CDH8: variants seen among roughly 807,000 people sequenced by gnomAD.
The protein encoded by CDH8 is cadherin 8, also known as cadherin-8.
A neutral mutation model predicts 68.1 loss-of-function variants in CDH8; 17 were observed. That is an observed-to-expected ratio of 0.25 (90% CI 0.17 to 0.37). The LOEUF (loss-of-function observed/expected upper bound fraction) is 0.37. Ranked by LOEUF, CDH8 falls within the 10% of genes least tolerant of loss-of-function variation. The probability of loss-of-function intolerance (pLI) is 1.00; values close to 1 mark genes in which losing one functional copy is unlikely to be tolerated. For synonymous variants in CDH8, 372 were observed against 365.1 expected (o/e 1.02, Z -0.21); for missense variants, 763 against 999.3 (o/e 0.76, Z 3.19).
intron 2 of CDH8, among the ~76,000 whole-genome samples, chr16:61,973,931 G>T (rs980746049): frequency 6.6e-6 from 1 of 152,162 alleles, no homozygotes; most frequent in African/African-American, 2.4e-5. Context: ...TTGTCCATCA[G>T]GTTTGCGTTG....
chr16:61,751,177 A>G (rs965573347), intron 8 of CDH8, among the ~76,000 whole-genome samples: 4 of 151,984 alleles, frequency 2.6e-5, no homozygotes, highest in Admixed American at 6.6e-5. Flanking sequence ...ATAAATACCG[A>G]TGCAATACAG....
intron 2 of CDH8, among the ~76,000 whole-genome samples, chr16:61,902,639 T>C (rs1738051996): frequency 6.6e-6 from 1 of 150,650 alleles, no homozygotes; most frequent in South Asian, 2.1e-4. Context: ...AGATGCTGTG[T>C]TCTCTTGGGA....
intron 2 of CDH8, among the ~76,000 whole-genome samples, chr16:61,928,985 G>C (rs568343841): frequency 7.2e-5 from 11 of 151,838 alleles, no homozygotes; most frequent in African/African-American, 2.7e-4. Flanking sequence ...CTCGGCTCAC[G>C]GCAAACTCTG....
intron 4 of CDH8, among the ~76,000 whole-genome samples, chr16:61,853,709 T>A (rs1962985927): frequency 6.6e-6 from 1 of 152,098 alleles, no homozygotes. Context: ...GGGTCTTAGG[T>A]AACGAGTCTC....
At chr16:62,015,640 A>T (rs1044928650) in intron 2 of CDH8, among the ~76,000 whole-genome samples, 3 of 152,160 alleles carry the variant, frequency 2.0e-5, no homozygotes, top group Admixed American at 1.3e-4. Context: ...AGCGCAATGG[A>T]CTGAATGTTT....
chr16:61,689,565 A>G (rs182182002), intron 10 of CDH8, among the ~76,000 whole-genome samples: 2 of 152,124 alleles, frequency 1.3e-5, no homozygotes, highest in East Asian at 3.9e-4. Flanking sequence ...ACCATGTCTT[A>G]AATTCTACAG....
intron 5 of CDH8, among the ~76,000 whole-genome samples, chr16:61,823,687 C>T (rs555576483): frequency 6.6e-6 from 1 of 151,988 alleles, no homozygotes; most frequent in East Asian, 1.9e-4. Context: ...CTTTAAATGG[C>T]CTCCTAATGA....
At chr16:61,812,587 GA>G (rs974890670) in intron 7 of CDH8, among the ~76,000 whole-genome samples, 12 of 147,982 alleles carry the variant, frequency 8.1e-5, no homozygotes, top group East Asian at 2.0e-4. Flanking sequence ...TTTATGAAAG[GA>G]AAAAAAAAAT....
intron 7 of CDH8, among the ~76,000 whole-genome samples, chr16:61,812,842 G>A (rs1596989695): frequency 6.6e-6 from 1 of 151,996 alleles, no homozygotes; most frequent in Admixed American, 6.6e-5. Flanking sequence ...TTAACCTCTC[G>A]TCCTGCGTTT....
chr16:61,765,783 A>AGAAAGGAT (rs946618485), intron 8 of CDH8, among the ~76,000 whole-genome samples: 22 of 152,122 alleles, frequency 1.4e-4, no homozygotes, highest in African/African-American at 5.3e-4. Context: ...GTGGTAGAAG[A>AGAAAGGAT]GAAAGGATAA....
At chr16:62,012,234 C>G (rs1405917845) in intron 2 of CDH8, among the ~76,000 whole-genome samples, 1 of 152,202 alleles carries the variant, frequency 6.6e-6, no homozygotes, top group Non-Finnish European at 1.5e-5. Flanking sequence ...AAATTACAGG[C>G]AACCTGTAGG....
At chr16:61,893,204 C>G (rs1035380218) in intron 3 of CDH8, among the ~76,000 whole-genome samples, 2 of 152,150 alleles carry the variant, frequency 1.3e-5, no homozygotes, top group African/African-American at 4.8e-5. Flanking sequence ...CAACCTTCTT[C>G]CCTGTGTGAG....
chr16:61,965,806 G>A (rs985004592), intron 2 of CDH8, among the ~76,000 whole-genome samples: 1 of 152,202 alleles, frequency 6.6e-6, no homozygotes, highest in Non-Finnish European at 1.5e-5. Context: ...TCATTTGAAA[G>A]TGGGCACTTT....
intron 4 of CDH8, among the ~76,000 whole-genome samples, chr16:61,850,589 C>A (rs1962917069): frequency 6.6e-6 from 1 of 151,982 alleles, no homozygotes; most frequent in Non-Finnish European, 1.5e-5. Context: ...CAAGTAAAAT[C>A]TTCTAATACC....
intron 5 of CDH8, among the ~76,000 whole-genome samples, chr16:61,821,592 T>A (rs1452767456): frequency 6.6e-6 from 1 of 152,040 alleles, no homozygotes. Context: ...TTTAGACCAT[T>A]TTTGATAAAA....
chr16:61,992,985 A>G (rs1965751015), intron 2 of CDH8, among the ~76,000 whole-genome samples: 1 of 152,026 alleles, frequency 6.6e-6, no homozygotes, highest in African/African-American at 2.4e-5. Flanking sequence ...GGGTCTCACT[A>G]CGTTTCTCAG....
At chr16:61,932,722 T>C (rs1006031262) in intron 2 of CDH8, among the ~76,000 whole-genome samples, 1 of 152,150 alleles carries the variant, frequency 6.6e-6, no homozygotes, top group Non-Finnish European at 1.5e-5. Flanking sequence ...TCCTAGAACT[T>C]GATTTGAATT....
intron 10 of CDH8, among the ~76,000 whole-genome samples, chr16:61,707,566 C>T (rs56236282): frequency 6.6e-6 from 1 of 151,862 alleles, no homozygotes; most frequent in Non-Finnish European, 1.5e-5. Flanking sequence ...TATTTTCCTG[C>T]CTTCTCTATC....
chr16:62,016,999 G>C (rs1472843908), intron 2 of CDH8, among the ~76,000 whole-genome samples: 1 of 151,994 alleles, frequency 6.6e-6, no homozygotes, highest in African/African-American at 2.4e-5. Context: ...CTACCCAGGT[G>C]GTCTATAAAA....
Sources: allele counts gnomAD v4.1 joint callset (sites outside exome capture counted in the v4.1 genomes callset), GRCh38; gene constraint gnomAD v4.1.1; transcripts MANE v1.5; gene names NCBI Gene and HGNC (gene_info 2026-07-23, HGNC 2026-07-21).